ME1: variants seen among roughly 807,000 people sequenced by gnomAD.
The protein encoded by ME1 is malic enzyme 1, also known as NADP-dependent malic enzyme.
Under a neutral mutation model 66.4 loss-of-function variants are expected in ME1, and 74 were observed. That is an observed-to-expected ratio of 1.11 (90% confidence interval 0.92 to 1.35). The LOEUF (loss-of-function observed/expected upper bound fraction) is 1.35, where lower values mean the gene tolerates loss of function less well. ME1 is among the 40% of genes most tolerant of loss of function. ME1 has a pLI of 0.00. For synonymous variants in ME1, 251 were observed against 235.6 expected (o/e 1.07, Z -0.60); for missense variants, 750 against 694.1 (o/e 1.08, Z -0.90).
chr6:83,367,499 T>C (rs1769121094), intron 3 of ME1, among the ~76,000 whole-genome samples: 1 of 152,232 alleles, frequency 6.6e-6, no homozygotes, highest in Non-Finnish European at 1.5e-5. Context: ...TTGTTTAGTG[T>C]GGCCACCTTC....
At chr6:83,303,292 G>T (rs1365595872) in intron 6 of ME1, among the ~76,000 whole-genome samples, 1 of 152,096 alleles carries the variant, frequency 6.6e-6, no homozygotes. Flanking sequence ...TTTGCTAGTT[G>T]CTTGTATCTA....
At chr6:83,346,139 G>A (rs756525948) in intron 5 of ME1, 34 bp downstream of exon 5, 16 of 1,520,232 alleles carry the variant, frequency 1.1e-5, no homozygotes, top group African/African-American at 1.4e-5. Flanking sequence ...ATTTTTAAAG[G>A]TACATAGCTG....
chr6:83,323,032 A>C (rs997759333), intron 5 of ME1, among the ~76,000 whole-genome samples: 11 of 152,262 alleles, frequency 7.2e-5, no homozygotes, highest in African/African-American at 2.7e-4. Context: ...TTTTCAACCC[A>C]GAATTTCATA....
chr6:83,289,763 C>T (rs1041270449), intron 6 of ME1, among the ~76,000 whole-genome samples: 3 of 151,690 alleles, frequency 2.0e-5, no homozygotes, highest in Non-Finnish European at 3.0e-5. Context: ...ATCTGGTCCT[C>T]GACTTTTTTT....
chr6:83,426,762 A>C (rs1770380660), intron 1 of ME1, among the ~76,000 whole-genome samples: 1 of 152,194 alleles, frequency 6.6e-6, no homozygotes, highest in Admixed American at 6.5e-5. Context: ...CGTAACTCTT[A>C]AACATGACTT....
chr6:83,391,800 G>T (rs1245146044), intron 3 of ME1, among the ~76,000 whole-genome samples: 1 of 152,028 alleles, frequency 6.6e-6, no homozygotes, highest in Non-Finnish European at 1.5e-5. Context: ...TGTTCCTTCT[G>T]TCTGGCATGT....
At chr6:83,213,771 T>C (rs1211474161) in intron 13 of ME1, among the ~76,000 whole-genome samples, 1 of 152,212 alleles carries the variant, frequency 6.6e-6, no homozygotes, top group African/African-American at 2.4e-5. Context: ...TGTAAAACTA[T>C]GCATTTATGA....
chr6:83,383,007 G>A (rs117300745), intron 3 of ME1, among the ~76,000 whole-genome samples: 1 of 151,866 alleles, frequency 6.6e-6, no homozygotes, highest in Non-Finnish European at 1.5e-5. Flanking sequence ...TATTAAAAAA[G>A]ACTGACCTCC....
chr6:83,308,956 G>C (rs1359822706), intron 6 of ME1, among the ~76,000 whole-genome samples: 1 of 152,024 alleles, frequency 6.6e-6, no homozygotes, highest in African/African-American at 2.4e-5. Flanking sequence ...GCAGAGGCAG[G>C]TATGGTGAGG....
chr6:83,408,667 G>A (rs1239852025), intron 1 of ME1, among the ~76,000 whole-genome samples: 2 of 152,180 alleles, frequency 1.3e-5, no homozygotes, highest in Admixed American at 6.5e-5. Context: ...ATGCATTGAT[G>A]CATAAACCAT....
At chr6:83,239,133 T>C (rs1790464383) in intron 8 of ME1, among the ~76,000 whole-genome samples, 1 of 152,034 alleles carries the variant, frequency 6.6e-6, no homozygotes, top group Admixed American at 6.6e-5. Flanking sequence ...GTTACATACA[T>C]ACACACTGAA....
At chr6:83,243,804 TTA>T (rs1207327030) in intron 7 of ME1, among the ~76,000 whole-genome samples, 1 of 135,336 alleles carries the variant, frequency 7.4e-6, no homozygotes, top group Non-Finnish European at 1.5e-5. Context: ...TATTTATATA[TTA>T]TATATTATAT....
intron 6 of ME1, among the ~76,000 whole-genome samples, chr6:83,290,760 C>T (rs893202704): frequency 2.0e-5 from 3 of 152,146 alleles, no homozygotes; most frequent in African/African-American, 7.2e-5. Flanking sequence ...GAGTCTAAGT[C>T]TCTTTGTAGG....
chr6:83,318,043 A>C (rs937082285), intron 5 of ME1, among the ~76,000 whole-genome samples: 28 of 152,210 alleles, frequency 1.8e-4, no homozygotes, highest in Non-Finnish European at 7.4e-5. Flanking sequence ...GAAAAACAAG[A>C]AATGGGGAAA....
At chr6:83,427,713 A>G (rs954879621) in intron 1 of ME1, among the ~76,000 whole-genome samples, 1 of 152,200 alleles carries the variant, frequency 6.6e-6, no homozygotes, top group African/African-American at 2.4e-5. Context: ...GAAATAAGAA[A>G]AAAAAATACA....
At chr6:83,266,956 GA>G (rs946077306) in intron 6 of ME1, among the ~76,000 whole-genome samples, 7 of 151,878 alleles carry the variant, frequency 4.6e-5, no homozygotes, top group African/African-American at 1.7e-4. Context: ...AACTTTTTTT[GA>G]ATTAACAAGT....
chr6:83,345,569 TA>T (rs1486334746), intron 5 of ME1, among the ~76,000 whole-genome samples: 1 of 152,200 alleles, frequency 6.6e-6, no homozygotes, highest in Non-Finnish European at 1.5e-5. Flanking sequence ...CTGAAATTTG[TA>T]AATAACTTTT....
At chr6:83,253,820 T>C (rs1319313433) in intron 6 of ME1, 82 bp from the exon 7 acceptor site, 14 of 678,348 alleles carry the variant, frequency 2.1e-5, no homozygotes, top group Non-Finnish European at 3.6e-5. Flanking sequence ...CCCATAGAAA[T>C]AGGAAAACAT....
chr6:83,230,954 G>A (rs1790297460), intron 9 of ME1, among the ~76,000 whole-genome samples: 1 of 151,854 alleles, frequency 6.6e-6, no homozygotes, highest in Non-Finnish European at 1.5e-5. Context: ...ATAAAAAAAA[G>A]AAATGATTAG....
Sources: allele counts gnomAD v4.1 joint callset (sites outside exome capture counted in the v4.1 genomes callset), GRCh38; gene constraint gnomAD v4.1.1; transcripts MANE v1.5; gene names NCBI Gene and HGNC (gene_info 2026-07-23, HGNC 2026-07-21).